PCDHGB5: variants seen among roughly 807,000 people sequenced by gnomAD.
The protein encoded by PCDHGB5 is protocadherin gamma-B5.
A neutral mutation model predicts 62.9 loss-of-function variants in PCDHGB5; 48 were observed. The observed-to-expected ratio is 0.76, with a 90% confidence interval of 0.61 to 0.97. The LOEUF (loss-of-function observed/expected upper bound fraction) is 0.97, where lower values mean the gene tolerates loss of function less well. PCDHGB5 is among the 50% of genes least tolerant of loss of function. The pLI, the probability that PCDHGB5 is intolerant of heterozygous loss-of-function variation, is 0.00. For missense variants in PCDHGB5, 1,118 were observed against 1,198.6 expected (o/e 0.93, Z 0.99); for synonymous variants, 474 against 511.2 (o/e 0.93, Z 0.98).
intron 1 of PCDHGB5, chr5:141,427,032 A>G (rs1227315080): frequency 2.2e-6 from 1 of 457,206 alleles, no homozygotes; most frequent in East Asian, 6.9e-5. Flanking sequence ...AGTCAGCCTT[A>G]GAGAGAATGT....
At chr5:141,413,716 C>T in intron 1 of PCDHGB5, 2 of 1,613,608 alleles carry the variant, frequency 1.2e-6, no homozygotes, top group Non-Finnish European at 1.7e-6. Flanking sequence ...CCCCAATAAG[C>T]ACTTCTCCCT....
intron 1 of PCDHGB5, among the ~76,000 whole-genome samples, chr5:141,450,233 G>A (rs2098674391): frequency 6.6e-6 from 1 of 152,026 alleles, no homozygotes; most frequent in Non-Finnish European, 1.5e-5. Flanking sequence ...GGCCAGGCTA[G>A]TCTTGAACTC....
intron 1 of PCDHGB5, among the ~76,000 whole-genome samples, chr5:141,456,266 C>G (rs1273258132): frequency 6.6e-6 from 1 of 152,128 alleles, no homozygotes; most frequent in Non-Finnish European, 1.5e-5. Context: ...TTGCTTCTGG[C>G]TACTTCCTGC....
In PCDHGB5 at chr5:141,511,086, G is replaced by A. The variant is rs2099883600; in HGVS notation, c.2685G>A (p.Leu895=). The A allele has an allele frequency of 1.2e-6, 2 of 1,614,062 alleles. No individual in the cohort carries two copies. The highest frequency in any genetic ancestry group is 2.2e-5 in the East Asian group (1 of 44,886). The change falls in exon 4 of 4, where the codon CTG becomes CTA. Residue 895 remains leucine (L), a synonymous_variant. Transcript: ENST00000617380. ...ACATCCCAGGCAGCAATGCCACACT[G>A]ACCAACGCAGCTGGCAAGCGGGATG... is the stretch of plus-strand genomic sequence containing the variant. The part of the protein sequence containing the change: ...NVYIPGSNAT[L]TNAAGKRDGK...
At chr5:141,408,667 C>G in intron 1 of PCDHGB5, 1 of 1,613,954 alleles carries the variant, frequency 6.2e-7, no homozygotes, top group Non-Finnish European at 8.5e-7. Context: ...TATCGCTTGA[C>G]CCTGCCACGG....
chr5:141,453,732 C>T (rs182118864), intron 1 of PCDHGB5, among the ~76,000 whole-genome samples: 9 of 152,332 alleles, frequency 5.9e-5, no homozygotes. Context: ...TTTGTTACTA[C>T]AGCTTAAATA....
chr5:141,430,337 C>G (rs531455580), intron 1 of PCDHGB5, among the ~76,000 whole-genome samples: 1 of 150,908 alleles, frequency 6.6e-6, no homozygotes, highest in East Asian at 2.0e-4. Context: ...TTTATAGAAA[C>G]TTCCAATTCA....
intron 1 of PCDHGB5, among the ~76,000 whole-genome samples, chr5:141,442,680 A>C (rs2098335997): frequency 6.6e-6 from 1 of 152,270 alleles, no homozygotes; most frequent in Non-Finnish European, 1.5e-5. Flanking sequence ...CTTGAGGGAC[A>C]GTAGTCAGGC....
chr5:141,496,621 C>A (rs1297797187), intron 2 of PCDHGB5, among the ~76,000 whole-genome samples: 1 of 152,214 alleles, frequency 6.6e-6, no homozygotes. Context: ...AGCAGCAGAT[C>A]AAAAGGCTTG....
At chr5:141,408,396 A>G (rs764101918) in intron 1 of PCDHGB5, 18 of 1,614,020 alleles carry the variant, frequency 1.1e-5, no homozygotes, top group South Asian at 5.5e-5. Flanking sequence ...TCGGCTCGCA[A>G]GCTGCGAGTG....
In PCDHGB5 at chr5:141,491,729, C is replaced by T. The variant is rs766649819; in HGVS notation, c.2398-3078C>T. On this transcript the variant is annotated intron_variant, in intron 1 of 3. Coordinates refer to ENST00000617380, the MANE Select transcript of PCDHGB5 (RefSeq NM_018925.3). This position sits in a 1 kb window ranked among gnomAD's most constrained non-coding sequence, Gnocchi z 6.9. ...AGGGGCTCGGCGCCGCCCCGGGCGA[C>T]CCCTGGGGGCGGCACTGGAGAAGCC... 6.1e-5 allele frequency: 98 copies of T among 1,603,832 alleles called. No homozygotes were observed. Among genetic ancestry groups the T allele is most frequent in the Non-Finnish European group, 7.9e-5 (93 of 1,175,848 alleles).
At chr5:141,478,733 T>C (rs1562072874) in intron 1 of PCDHGB5, 8 of 1,537,128 alleles carry the variant, frequency 5.2e-6, no homozygotes, top group Non-Finnish European at 7.0e-6. Context: ...AGAGTGTGGT[T>C]TGTGGTCCCA....
At chr5:141,447,613 A>G (rs1169186870) in intron 1 of PCDHGB5, among the ~76,000 whole-genome samples, 1 of 152,186 alleles carries the variant, frequency 6.6e-6, no homozygotes, top group Admixed American at 6.5e-5. Context: ...TTAGCATTTT[A>G]AAGTTGAAAC....
intron 1 of PCDHGB5, among the ~76,000 whole-genome samples, chr5:141,456,046 C>T (rs759479772): frequency 1.3e-5 from 2 of 151,904 alleles, no homozygotes; most frequent in Non-Finnish European, 2.9e-5. Context: ...TACAGGCGCC[C>T]ACCACCACGT....
intron 1 of PCDHGB5, chr5:141,403,131 C>T: frequency 5.6e-6 from 9 of 1,614,034 alleles, no homozygotes; most frequent in Non-Finnish European, 6.8e-6. Context: ...CGGGAGCTGG[C>T]GGAGCGCCGA....
chr5:141,407,548 G>A (rs2094952527), intron 1 of PCDHGB5, among the ~76,000 whole-genome samples: 1 of 151,388 alleles, frequency 6.6e-6, no homozygotes, highest in Non-Finnish European at 1.5e-5. Context: ...GTAACAGATT[G>A]TAGAACATAA....
At chr5:141,503,554 G>A (rs1395044357) in intron 2 of PCDHGB5, among the ~76,000 whole-genome samples, 11 of 149,146 alleles carry the variant, frequency 7.4e-5, no homozygotes, top group East Asian at 3.9e-4. Flanking sequence ...AGCCGAGATC[G>A]CGCCACTGTA....
chr5:141,494,674 C>A lies in PCDHGB5; in HGVS notation c.2398-133C>A, dbSNP rs532644387. ...ATTTTGTCTTTGGAGATGAGTCCAC[C>A]CCTGCCCCCTCTTAGTCCGTTTTCT... is the stretch of plus-strand genomic sequence containing the variant. On this transcript the variant is annotated intron_variant, in intron 1 of 3. Transcript: ENST00000617380. 3.4e-5 allele frequency: 53 copies of A among 1,545,802 alleles called. No homozygotes were observed. In the African/African-American group the frequency reaches 6.5e-4, roughly 19 times the overall value.
chr5:141,495,973 A>T, intron 2 of PCDHGB5, among the ~76,000 whole-genome samples: 1 of 146,986 alleles, frequency 6.8e-6, no homozygotes, highest in Admixed American at 6.8e-5. Flanking sequence ...TTTCTCTGTT[A>T]CTCTTTCTTT....
Sources: gnomAD v4.1 joint callset for allele counts (sites outside exome capture counted in the v4.1 genomes callset) on GRCh38, gnomAD v4.1.1 for gene constraint, Gnocchi (gnomAD v3.1) non-coding constraint, MANE v1.5 for transcripts, NCBI Gene and HGNC (gene_info 2026-07-23, HGNC 2026-07-21) for gene names.